Variants in CUX2 observed in about 807,000 individuals in gnomAD.
The protein encoded by CUX2 is homeobox protein cut-like 2.
Under a neutral mutation model 144.8 loss-of-function variants are expected in CUX2, and 40 were observed. The observed-to-expected ratio is 0.28, with a 90% confidence interval of 0.21 to 0.36. The LOEUF (loss-of-function observed/expected upper bound fraction) is 0.36. Among genes scored for constraint, CUX2 ranks in the 10% least tolerant of loss-of-function variants. The probability of loss-of-function intolerance (pLI) is 1.00; values close to 1 mark genes in which losing one functional copy is unlikely to be tolerated. For synonymous variants in CUX2, 827 were observed against 875.6 expected, an observed-to-expected ratio of 0.94 and a Z score of 0.98; for missense variants, 1,615 against 1,994.0, an observed-to-expected ratio of 0.81 and a Z score of 3.62.
intron 21 of CUX2, among the ~76,000 whole-genome samples, chr12:111,344,537 T>G (rs1309741721): frequency 6.6e-6 from 1 of 152,228 alleles, no homozygotes; most frequent in Non-Finnish European, 1.5e-5. Context: ...AAATGTTTAC[T>G]GAGCATCTAC....
chr12:111,165,185 G>A (rs1212266688), intron 1 of CUX2, among the ~76,000 whole-genome samples: 2 of 152,306 alleles, frequency 1.3e-5, no homozygotes, highest in Middle Eastern at 3.4e-3. Flanking sequence ...AGGATGGGGT[G>A]GAGGCTATGA....
rs1384011645 is a variant in CUX2, at chr12:111,246,435, C to T, written c.223-17326C>T. Among the ~76,000 whole-genome samples, 1 of 152,200 alleles carries T rather than the reference C, an allele frequency of 6.6e-6. No individual in the cohort carries two copies. Among genetic ancestry groups the T allele is most frequent in the Non-Finnish European group, 1.5e-5 (1 of 68,046 alleles). On this transcript the variant is annotated intron_variant, in intron 3 of 21. Transcript: ENST00000261726. The surrounding 1 kb of genome is among the most constrained non-coding windows in gnomAD (Gnocchi z 4.0). Reference sequence around the variant, plus strand: ...AGCACTTAAAACGGTGCCCAGCACACTGGCCACCCTCCAATTCACTGTATT... The same window carrying T: ...AGCACTTAAAACGGTGCCCAGCACATTGGCCACCCTCCAATTCACTGTATT...
intron 1 of CUX2, among the ~76,000 whole-genome samples, chr12:111,110,968 C>T (rs1452305286): frequency 6.6e-6 from 1 of 152,164 alleles, no homozygotes; most frequent in Non-Finnish European, 1.5e-5. Flanking sequence ...AGGGTGAGGC[C>T]TGCTGGTGCC....
Position 111,347,618 on chromosome 12 carries a change from T to TGCCCCCCCCCCCC in CUX2, c.3754_3755insGCCCCCCCCCCCC (p.Ser1252CysfsTer15). ...TCCTGGAATCCTACCGCCAGGCCAC[T>TGCCCCCCCCCCCC]CCCACCCAGACCCCACCCCGCAGAG... On this transcript the variant is annotated frameshift_variant, in exon 22 of 22. Transcript: ENST00000261726. LOFTEE classifies it low-confidence loss of function (END_TRUNC). 1 of 1,517,698 alleles carries TGCCCCCCCCCCCC rather than the reference T, an allele frequency of 6.6e-7. No individual in the cohort carries two copies. The highest frequency in any genetic ancestry group is 9.1e-7 in the Non-Finnish European group (1 of 1,094,652). 94.0% of individuals were successfully genotyped at this position (1,517,698 alleles called of 1,614,324 possible). A position where few individuals can be genotyped will look rare whatever the true frequency, so the allele number is the denominator to read the frequency against.
intron 1 of CUX2, among the ~76,000 whole-genome samples, chr12:111,107,111 T>G (rs1873657894): frequency 6.6e-6 from 1 of 152,224 alleles, no homozygotes; most frequent in Admixed American, 6.5e-5. Context: ...AATCCACACT[T>G]CTGTCCCCAT....
At chr12:111,256,462 T>A (rs2136281696) in intron 3 of CUX2, among the ~76,000 whole-genome samples, 1 of 152,232 alleles carries the variant, frequency 6.6e-6, no homozygotes, top group Non-Finnish European at 1.5e-5. Context: ...TCTTCTGGAA[T>A]TCCTGCCACA....
rs1022865632 is a variant in CUX2 at position 111,035,131 on chromosome 12, A to G, written c.63+891A>G. ...CCCTCGGGCCCAAGGGAACTTTTAA[A>G]TGAGAGATTTCCTTGCTTGTTCTGC... On this transcript the variant is annotated intron_variant, in intron 1 of 21. Coordinates refer to ENST00000261726, the MANE Select transcript of CUX2 (RefSeq NM_015267.4). This position sits in a 1 kb window ranked among gnomAD's most constrained non-coding sequence, Gnocchi z 6.0. 2.0e-5 allele frequency among the ~76,000 whole-genome samples: 3 copies of G among 152,078 alleles called. No homozygotes were observed. The highest frequency in any genetic ancestry group is 2.9e-5 in the Non-Finnish European group (2 of 67,992).
chr12:111,123,263 A>G (rs1874807293), intron 1 of CUX2, among the ~76,000 whole-genome samples: 1 of 152,020 alleles, frequency 6.6e-6, no homozygotes, highest in African/African-American at 2.4e-5. Flanking sequence ...GCTCACTGCA[A>G]CCTCCGCCTC....
At chr12:111,288,692 G>A (rs1885523220) in intron 4 of CUX2, among the ~76,000 whole-genome samples, 1 of 152,140 alleles carries the variant, frequency 6.6e-6, no homozygotes, top group African/African-American at 2.4e-5. Flanking sequence ...GCCGGGCGCA[G>A]TAGCTCATGC....
At chr12:111,336,427 TGTGTG>T (rs1888356059) in intron 19 of CUX2, among the ~76,000 whole-genome samples, 1 of 66,534 alleles carries the variant, frequency 1.5e-5, no homozygotes, top group Non-Finnish European at 2.5e-5. Flanking sequence ...TTCAGTGTTG[TGTGTG>T]TGTGTGTGTG....
At position 111,200,164 on chromosome 12, in the gene CUX2, A is replaced by G. The variant is rs181823013; in HGVS notation, c.64-14036A>G. 1.3e-3 allele frequency among the ~76,000 whole-genome samples: 195 copies of G among 151,998 alleles called. 1 individual carries two copies. Among genetic ancestry groups the G allele is most frequent in the African/African-American group, 4.6e-3 (191 of 41,424 alleles). ...GGAGAGGACACCCCCTCTTGCAGCA[A>G]GGATCCGAGCCCTGTCTTTGAACTC... On this transcript the variant is annotated intron_variant, in intron 1 of 21. Transcript: ENST00000261726.
chr12:111,337,003 C>T (rs35485916), intron 19 of CUX2, among the ~76,000 whole-genome samples: 117 of 151,588 alleles, frequency 7.7e-4, no homozygotes, highest in Non-Finnish European at 1.5e-3. Context: ...GGCGAAACCC[C>T]GTCTCTACAA....
At chr12:111,288,674 G>A (rs1592921931) in intron 4 of CUX2, among the ~76,000 whole-genome samples, 1 of 152,010 alleles carries the variant, frequency 6.6e-6, no homozygotes, top group South Asian at 2.1e-4. Flanking sequence ...TAAAAATACA[G>A]AAATTTGGCC....
intron 19 of CUX2, among the ~76,000 whole-genome samples, chr12:111,337,433 C>T (rs1413842130): frequency 2.0e-5 from 3 of 152,112 alleles, no homozygotes; most frequent in East Asian, 1.9e-4. Flanking sequence ...TTCTATTACC[C>T]GCATTCTTTT....
intron 1 of CUX2, among the ~76,000 whole-genome samples, chr12:111,087,391 A>AAAAG (rs1566209818): frequency 6.7e-6 from 1 of 149,692 alleles, no homozygotes; most frequent in Non-Finnish European, 1.5e-5. Context: ...AAAAAAAAAA[A>AAAAG]AAAGAAAGAA....
At position 111,312,469 on chromosome 12, in the gene CUX2, G is replaced by A. The variant is rs564620972; in HGVS notation, c.2002+268G>A. ...TAATCCCAGCACTTTGGGAAGCCAAGGCAGGCTGATCACCTGAGATCAGGA... is the reference window on the plus strand; with the variant it reads ...TAATCCCAGCACTTTGGGAAGCCAAAGCAGGCTGATCACCTGAGATCAGGA... On this transcript the variant is annotated intron_variant, in intron 16 of 21. Coordinates refer to ENST00000261726, the MANE Select transcript of CUX2 (RefSeq NM_015267.4). This position sits in a 1 kb window ranked among gnomAD's most constrained non-coding sequence, Gnocchi z 4.3. 1.3e-5 allele frequency among the ~76,000 whole-genome samples: 2 copies of A among 152,304 alleles called. No homozygotes were observed. The highest frequency in any genetic ancestry group is 4.1e-4 in the South Asian group (2 of 4,824).
At chr12:111,219,066 A>C (rs1295561254) in intron 3 of CUX2, among the ~76,000 whole-genome samples, 1 of 152,166 alleles carries the variant, frequency 6.6e-6, no homozygotes, top group South Asian at 2.1e-4. Flanking sequence ...CCGTACTCGG[A>C]TCTCACCAGA....
At chr12:111,225,822 G>T (rs929452851) in intron 3 of CUX2, among the ~76,000 whole-genome samples, 2 of 152,164 alleles carry the variant, frequency 1.3e-5, no homozygotes, top group Non-Finnish European at 2.9e-5. Context: ...GCTGTGATTC[G>T]AGCCCAAGTC....
chr12:111,281,224 C>T (rs1885101223), intron 4 of CUX2, among the ~76,000 whole-genome samples: 1 of 152,232 alleles, frequency 6.6e-6, no homozygotes, highest in Non-Finnish European at 1.5e-5. Context: ...CCATCTCCCC[C>T]AACTCCACTC....
Sources: allele counts gnomAD v4.1 joint callset (sites outside exome capture counted in the v4.1 genomes callset), GRCh38; gene constraint gnomAD v4.1.1; non-coding constraint Gnocchi (gnomAD v3.1); transcripts MANE v1.5; gene names NCBI Gene and HGNC (gene_info 2026-07-23, HGNC 2026-07-21).